Variants in GLMN observed in about 807,000 individuals in gnomAD.
The protein encoded by GLMN is glomulin, FKBP associated protein.
In GLMN, 75 loss-of-function variants were observed where a neutral mutation model predicts 87.8. The observed-to-expected ratio is 0.85, with a 90% CI of 0.71 to 1.04. The LOEUF is 1.04. GLMN is among the 50% of genes least tolerant of loss of function. GLMN has a pLI of 0.00. For missense variants in GLMN, 588 were observed against 658.8 expected, an observed-to-expected ratio of 0.89 and a Z score of 1.18; for synonymous variants, 206 against 221.6, an observed-to-expected ratio of 0.93 and a Z score of 0.63.
chr1:92,272,982 G>GT (rs1656404381), intron 7 of GLMN, among the ~76,000 whole-genome samples: 1 of 152,310 alleles, frequency 6.6e-6, no homozygotes, highest in Middle Eastern at 3.4e-3. Flanking sequence ...CAAAAAAAGC[G>GT]TAAGAAAGTT....
intron 7 of GLMN, among the ~76,000 whole-genome samples, chr1:92,284,566 G>A (rs752927419): frequency 1.3e-5 from 2 of 152,108 alleles, no homozygotes; most frequent in African/African-American, 2.4e-5. Flanking sequence ...CATGGGCAAG[G>A]ACTTCATGAT....
At chr1:92,359,430 C>T in the GLMN span, among the ~76,000 whole-genome samples, 4 of 152,234 alleles carry the variant, frequency 2.6e-5, no homozygotes, top group Admixed American at 6.5e-5. Context: ...AGCAATTCTC[C>T]GGCCTCAGCC....
the GLMN span, chr1:92,304,114 A>AT: frequency 7.0e-7 from 1 of 1,437,090 alleles, no homozygotes; most frequent in Non-Finnish European, 9.7e-7. Flanking sequence ...GGCTTTTATT[A>AT]TTTTCATTTA....
the GLMN span, among the ~76,000 whole-genome samples, chr1:92,315,613 A>G: frequency 7.2e-5 from 11 of 152,348 alleles, no homozygotes; most frequent in South Asian, 4.1e-4. Flanking sequence ...TATCCCTTAG[A>G]ATTTATAAGA....
the GLMN span, among the ~76,000 whole-genome samples, chr1:92,365,930 A>G: frequency 2.6e-5 from 4 of 152,180 alleles, no homozygotes; most frequent in South Asian, 2.1e-4. Flanking sequence ...TTGAGCCTCA[A>G]CATTTCCTGC....
the GLMN span, among the ~76,000 whole-genome samples, chr1:92,320,200 A>G: frequency 6.6e-6 from 1 of 152,116 alleles, no homozygotes; most frequent in South Asian, 2.1e-4. Context: ...CTGAAAAGTG[A>G]GTATAGTTTG....
chr1:92,350,095 T>C, the GLMN span, among the ~76,000 whole-genome samples: 1 of 152,298 alleles, frequency 6.6e-6, no homozygotes, highest in Middle Eastern at 3.4e-3. Context: ...TCCCACTTCA[T>C]TTAGGTTTCT....
At chr1:92,303,914 G>C (rs1415004001), upstream of GLMN, 2 of 1,097,772 alleles carry the variant, frequency 1.8e-6, no homozygotes, top group South Asian at 1.4e-5. Flanking sequence ...ATGAGGCTTA[G>C]AGAGCTGATA....
the GLMN span, among the ~76,000 whole-genome samples, chr1:92,346,492 C>T: frequency 2.0e-5 from 3 of 152,090 alleles, no homozygotes; most frequent in Non-Finnish European, 4.4e-5. Flanking sequence ...AGACAAATAT[C>T]CTCATGTGGA....
At chr1:92,313,917 C>G in the GLMN span, among the ~76,000 whole-genome samples, 1 of 152,158 alleles carries the variant, frequency 6.6e-6, no homozygotes, top group Non-Finnish European at 1.5e-5. Flanking sequence ...TCTCATGAAC[C>G]AAACTTTGCT....
chr1:92,253,454 C>T (rs1653799959), intron 16 of GLMN, among the ~76,000 whole-genome samples: 1 of 152,184 alleles, frequency 6.6e-6, no homozygotes, highest in African/African-American at 2.4e-5. Flanking sequence ...GGTCCCTGAC[C>T]CCTCGTGCTT....
At chr1:92,311,118 G>T in the GLMN span, among the ~76,000 whole-genome samples, 1 of 152,056 alleles carries the variant, frequency 6.6e-6, no homozygotes, top group Non-Finnish European at 1.5e-5. Context: ...TAATTGATTG[G>T]TCCTGATCTG....
intron 16 of GLMN, among the ~76,000 whole-genome samples, chr1:92,253,876 ACTC>A (rs898711716): frequency 5.3e-5 from 8 of 152,090 alleles, no homozygotes; most frequent in African/African-American, 1.9e-4. Flanking sequence ...AAGGATCACA[ACTC>A]CTTGCCAGCA....
rs751734339 is a variant in GLMN, at chr1:92,291,507, C to T, written c.196G>A (p.Val66Ile). The change falls in exon 4 of 19, where the codon GTT becomes ATT. Residue 66 changes from valine (V) to isoleucine (I), a missense_variant. Coordinates refer to ENST00000370360, the MANE Select transcript of GLMN (RefSeq NM_053274.3). ...VIIKNMGWNL[V>I]GPVVRCLLCK... ...AAAAGGCATCGAACAACAGGACCAA[C>T]GAGATTCCAGCCCATATTCTTGATG... The T allele has an allele frequency of 9.3e-6, 15 of 1,613,212 alleles. No homozygotes were observed. Among genetic ancestry groups the T allele is most frequent in the Middle Eastern group, 1.7e-4 (1 of 6,058 alleles).
rs566473778 is a variant in GLMN, at chr1:92,283,592, T to C, written c.735+2898A>G. 1.1e-4 allele frequency among the ~76,000 whole-genome samples: 16 copies of C among 152,244 alleles called. 1 individual carries two copies. The South Asian group carries it at 1.5e-3, about 14-fold the overall frequency. On this transcript the variant is annotated intron_variant, in intron 7 of 18. Transcript: ENST00000370360. ...GGAAGCCCTCTCTCACCACTCCTAT[T>C]CAACACAGTGTTGGAAGTTCTGGCT...
At chr1:92,316,778 AAAAG>A in the GLMN span, among the ~76,000 whole-genome samples, 1 of 152,212 alleles carries the variant, frequency 6.6e-6, no homozygotes, top group Non-Finnish European at 1.5e-5. Flanking sequence ...GAAAGGACAG[AAAAG>A]AAAGAGCAAT....
At chr1:92,343,078 GTGTT>G in the GLMN span, among the ~76,000 whole-genome samples, 1 of 152,170 alleles carries the variant, frequency 6.6e-6, no homozygotes, top group Non-Finnish European at 1.5e-5. Context: ...AAGGGAAAGA[GTGTT>G]TGTTTATACA....
chr1:92,290,854 G>T (rs1029966132), intron 4 of GLMN, among the ~76,000 whole-genome samples: 20 of 152,044 alleles, frequency 1.3e-4, no homozygotes, highest in Admixed American at 1.2e-3. Context: ...CTTTTTCTCA[G>T]AATTTATCTT....
rs112320006 is a variant in GLMN at position 92,247,041 on chromosome 1, G to A, written c.1668+21C>T. The stretch of plus-strand genomic sequence containing the variant: ...CCGTTTCTAAAGAAGAAAAAGGAAA[G>A]AAAAGAAAATTTCAGATCACCTTAA... On this transcript the variant is annotated intron_variant, in intron 18 of 18. Transcript: ENST00000370360. 288 of 1,321,782 alleles carry A rather than the reference G, an allele frequency of 2.2e-4. No homozygotes were observed. The African/African-American group carries it at 3.1e-3, about 14-fold the overall frequency. 81.9% of individuals were successfully genotyped at this position (1,321,782 alleles called of 1,614,324 possible). A position where few individuals can be genotyped will look rare whatever the true frequency, so the allele number is the denominator to read the frequency against.
Sources: allele counts gnomAD v4.1 joint callset (sites outside exome capture counted in the v4.1 genomes callset), GRCh38; gene constraint gnomAD v4.1.1; transcripts MANE v1.5; gene names NCBI Gene and HGNC (gene_info 2026-07-23, HGNC 2026-07-21).